The following LRP12 variants were observed in gnomAD, a reference collection of about 807,000 sequenced individuals.
LRP12 encodes the protein low-density lipoprotein receptor-related protein 12.
Under a neutral mutation model 66.0 loss-of-function variants are expected in LRP12, and 14 were observed. The ratio of observed to expected loss-of-function variants is 0.21; its 90% CI spans 0.14 to 0.33. The LOEUF (loss-of-function observed/expected upper bound fraction) is 0.33, where lower values mean the gene tolerates loss of function less well. Among genes scored for constraint, LRP12 ranks in the 10% least tolerant of loss-of-function variants. The pLI, the probability that LRP12 is intolerant of heterozygous loss-of-function variation, is 1.00. For missense variants in LRP12, 889 were observed against 1,053.4 expected (o/e 0.84, Z 2.16); for synonymous variants, 357 against 359.1 (o/e 0.99, Z 0.07).
At chr8:104,506,469 T>G (rs1588485706) in intron 3 of LRP12, 1 of 152,220 alleles carries the variant, frequency 6.6e-6, no homozygotes, top group South Asian at 2.1e-4. Flanking sequence ...TTTAATCCTC[T>G]CTTCTTCTAT....
rs182746614 is a variant in LRP12 at position 104,557,164 on chromosome 8, G to A, written c.80-25201C>T. On this transcript the variant is annotated intron_variant, in intron 1 of 6. Coordinates refer to ENST00000276654, the MANE Select transcript of LRP12 (RefSeq NM_013437.5). Reference sequence around the variant, plus strand: ...ACCCATAGCCAACATTATACTGAACGGGGAAAGTTGAAAGCATTTCCCCTG... The same window carrying A: ...ACCCATAGCCAACATTATACTGAACAGGGAAAGTTGAAAGCATTTCCCCTG... Among the ~76,000 whole-genome samples, 5 of 152,134 alleles carry A rather than the reference G, an allele frequency of 3.3e-5. No homozygotes were observed. In the East Asian group the frequency reaches 7.7e-4, roughly 24 times the overall value.
intron 1 of LRP12, among the ~76,000 whole-genome samples, chr8:104,587,598 G>A (rs559398557): frequency 6.6e-6 from 1 of 152,266 alleles, no homozygotes; most frequent in East Asian, 1.9e-4. Flanking sequence ...GTCAGTAAAT[G>A]CCCAATTACG....
chr8:104,558,915 T>C (rs530535911), intron 1 of LRP12, among the ~76,000 whole-genome samples: 133 of 152,266 alleles, frequency 8.7e-4, no homozygotes, highest in African/African-American at 3.1e-3. Context: ...AGTACCACCT[T>C]ACTCCTGCAA....
chr8:104,558,318 C>T (rs996939094), intron 1 of LRP12, among the ~76,000 whole-genome samples: 9 of 152,040 alleles, frequency 5.9e-5, no homozygotes, highest in African/African-American at 2.2e-4. Context: ...GTCAATTGAT[C>T]TTTGACAAAG....
In LRP12 at chr8:104,497,200, C is replaced by CA. The variant is rs35928649; in HGVS notation, c.1351dup (p.Cys451LeufsTer9). Reference sequence around the variant, plus strand: ...TTTACAATGGAAATTTCCTGGTTGGCAAAAAAAGCAGTTTTTTTCATCTGA... The same window carrying CA: ...TTTACAATGGAAATTTCCTGGTTGGCAAAAAAAAGCAGTTTTTTTCATCTGA... On this transcript the variant is annotated frameshift_variant, in exon 5 of 7. Transcript: ENST00000276654. LOFTEE classifies it high-confidence loss of function. The surrounding 1 kb of genome is among the most constrained non-coding windows in gnomAD (Gnocchi z 4.3). The CA allele has an allele frequency of 1.9e-6, 3 of 1,609,532 alleles. No individual in the cohort carries two copies. Among genetic ancestry groups the CA allele is most frequent in the Admixed American group, 1.7e-5 (1 of 59,162 alleles).
intron 1 of LRP12, among the ~76,000 whole-genome samples, chr8:104,575,237 A>G (rs1237563489): frequency 6.6e-6 from 1 of 152,186 alleles, no homozygotes; most frequent in African/African-American, 2.4e-5. Flanking sequence ...CCAAGCCAAC[A>G]TCAGCTTCAG....
At chr8:104,579,117 A>C (rs1162958117) in intron 1 of LRP12, among the ~76,000 whole-genome samples, 1 of 152,138 alleles carries the variant, frequency 6.6e-6, no homozygotes, top group Non-Finnish European at 1.5e-5. Context: ...AGCGCATCTA[A>C]ATAGGAAGAG....
intron 1 of LRP12, among the ~76,000 whole-genome samples, chr8:104,573,794 T>C (rs1426791608): frequency 6.6e-6 from 1 of 150,940 alleles, no homozygotes; most frequent in Non-Finnish European, 1.5e-5. Context: ...TTAACAGATA[T>C]GAAAATCAAG....
intron 1 of LRP12, among the ~76,000 whole-genome samples, chr8:104,565,687 C>T (rs977951866): frequency 4.6e-5 from 7 of 151,790 alleles, no homozygotes; most frequent in African/African-American, 2.4e-5. Context: ...GGTGAAACTC[C>T]GTCTTTACTA....
intron 3 of LRP12, among the ~76,000 whole-genome samples, chr8:104,503,699 T>C (rs527752248): frequency 6.6e-6 from 1 of 152,296 alleles, no homozygotes; most frequent in African/African-American, 2.4e-5. Context: ...CACAGTACTT[T>C]CATACAATTT....
Position 104,495,097 on chromosome 8 carries a change from G to C in LRP12, c.1693C>G (p.Pro565Ala). Reference protein sequence around the residue: ...QGLIPPVEDFPVCSPNQASVL... With the variant: ...QGLIPPVEDFAVCSPNQASVL... ...TATACCTGATTAGGTGAACAAACAG[G>C]AAAATCTTCAACTGGTGGAATTAAA... is the stretch of plus-strand genomic sequence containing the variant. The change falls in exon 6 of 7, where the codon CCT (proline) becomes GCT (alanine). Residue 565 changes from proline (P) to alanine (A), a missense_variant. Coordinates refer to ENST00000276654, the MANE Select transcript of LRP12 (RefSeq NM_013437.5). 1 of 1,613,566 alleles carries C rather than the reference G, an allele frequency of 6.2e-7. No homozygotes were observed. Among genetic ancestry groups the C allele is most frequent in the Non-Finnish European group, 8.5e-7 (1 of 1,179,796 alleles).
At chr8:104,504,214 TACAG>T (rs1390002457) in intron 3 of LRP12, 9 of 152,110 alleles carry the variant, frequency 5.9e-5, no homozygotes, top group Non-Finnish European at 1.3e-4. Context: ...TGTTTATAAC[TACAG>T]ACACTTTTGC....
chr8:104,550,154 A>G (rs1022688118), intron 1 of LRP12, among the ~76,000 whole-genome samples: 2 of 152,136 alleles, frequency 1.3e-5, no homozygotes, highest in African/African-American at 2.4e-5. Flanking sequence ...ATCATTACTA[A>G]TTCTTACAGC....
Position 104,490,653 on chromosome 8 carries a change from C to T in LRP12, c.*20G>A. On this transcript the variant is annotated 3_prime_UTR_variant, in exon 7 of 7. Transcript: ENST00000276654. ...GATATTGCTCCAACTTGTATACAAT[C>T]TCCCTTATGTGATTCGTACCTAACA... The T allele has an allele frequency of 6.4e-7, 1 of 1,567,592 alleles. No homozygotes were observed. The highest frequency in any genetic ancestry group is 8.6e-7 in the Non-Finnish European group (1 of 1,159,304).
intron 1 of LRP12, among the ~76,000 whole-genome samples, chr8:104,580,870 G>A (rs1407828349): frequency 2.0e-5 from 3 of 152,160 alleles, no homozygotes; most frequent in African/African-American, 7.2e-5. Flanking sequence ...GGAAGACAAC[G>A]TGGCGACTCC....
At chr8:104,525,795 C>T (rs1811226138) in intron 2 of LRP12, among the ~76,000 whole-genome samples, 1 of 152,120 alleles carries the variant, frequency 6.6e-6, no homozygotes, top group African/African-American at 2.4e-5. Context: ...CCTCTCTCAC[C>T]ACTCCTATTC....
intron 2 of LRP12, among the ~76,000 whole-genome samples, chr8:104,512,306 A>C (rs576694836): frequency 6.6e-6 from 1 of 152,310 alleles, no homozygotes; most frequent in South Asian, 2.1e-4. Context: ...ACAGAGCGAG[A>C]CTTTTCATTA....
At chr8:104,531,725 C>A (rs1183386207) in intron 2 of LRP12, among the ~76,000 whole-genome samples, 182 bp downstream of exon 2, 8 of 152,084 alleles carry the variant, frequency 5.3e-5, no homozygotes, top group South Asian at 2.1e-4. Flanking sequence ...CATGGGCATG[C>A]AAGTATCAGT....
intron 1 of LRP12, among the ~76,000 whole-genome samples, chr8:104,546,654 A>G (rs1185493269): frequency 6.6e-6 from 1 of 151,938 alleles, no homozygotes; most frequent in Non-Finnish European, 1.5e-5. Flanking sequence ...CAACATTAAA[A>G]ATTGAGTTTT....
Sources: allele counts gnomAD v4.1 joint callset (sites outside exome capture counted in the v4.1 genomes callset), GRCh38; gene constraint gnomAD v4.1.1; non-coding constraint Gnocchi (gnomAD v3.1); transcripts MANE v1.5; gene names NCBI Gene and HGNC (gene_info 2026-07-23, HGNC 2026-07-21).